The following EPB41L1 variants were observed in gnomAD, a reference collection of about 807,000 sequenced individuals.
The protein encoded by EPB41L1 is erythrocyte membrane protein band 4.1 like 1.
In EPB41L1, 29 loss-of-function variants were observed where a neutral mutation model predicts 97.8. The ratio of observed to expected loss-of-function variants is 0.30; its 90% CI spans 0.22 to 0.40. The LOEUF (loss-of-function observed/expected upper bound fraction) is 0.40. EPB41L1 is among the 10% of genes least tolerant of loss of function. EPB41L1 has a pLI of 1.00. For synonymous variants in EPB41L1, 383 were observed against 459.2 expected, an observed-to-expected ratio of 0.83 and a Z score of 2.12; for missense variants, 812 against 1,162.3, an observed-to-expected ratio of 0.70 and a Z score of 4.38.
chr20:36,182,460 T>G lies in EPB41L1; in HGVS notation c.566+113T>G. 3 of 1,183,370 alleles carry G rather than the reference T, an allele frequency of 2.5e-6. No individual in the cohort carries two copies. In the South Asian group the frequency reaches 3.7e-5, roughly 15 times the overall value. 73.3% of individuals were successfully genotyped at this position (1,183,370 alleles called of 1,614,324 possible). A position where few individuals can be genotyped will look rare whatever the true frequency, so the allele number is the denominator to read the frequency against. ...GACAGCAGCTGCAAATGCAGTCGCC[T>G]ACCGAGGTCAGGCAGACAGCATCGT... is the stretch of plus-strand genomic sequence containing the variant. On this transcript the variant is annotated intron_variant, in intron 6 of 21. Transcript: ENST00000338074.
At chr20:36,198,118 A>C in intron 14 of EPB41L1, 77 bp downstream of exon 14, 12 of 1,305,382 alleles carry the variant, frequency 9.2e-6, no homozygotes, top group African/African-American at 1.5e-5. Context: ...ACTTACACTC[A>C]TCCTCCACAC....
chr20:36,212,186 C>T lies in EPB41L1; in HGVS notation c.2080-86C>T, dbSNP rs2063172019. The T allele has an allele frequency of 2.4e-6, 3 of 1,268,608 alleles. No homozygotes were observed. In the East Asian group the frequency reaches 7.0e-5, roughly 29 times the overall value. The allele number at this position is 1,268,608 out of a possible 1,614,324, so 78.6% of individuals were successfully genotyped here. ...GGCCAGCTGTGGGGATAGGAGATAG[C>T]CTGCAGACACCACACTGCAATTGTC... is the stretch of plus-strand genomic sequence containing the variant. On this transcript the variant is annotated intron_variant, in intron 15 of 21. Coordinates refer to ENST00000338074, the MANE Select transcript of EPB41L1 (RefSeq NM_012156.2). This position sits in a 1 kb window ranked among gnomAD's most constrained non-coding sequence, Gnocchi z 4.8.
intron 1 of EPB41L1, among the ~76,000 whole-genome samples, chr20:36,108,657 G>A (rs1310130121): frequency 6.6e-6 from 1 of 152,168 alleles, no homozygotes; most frequent in African/African-American, 2.4e-5. Flanking sequence ...CTGGGTGAGA[G>A]AACGAGACTC....
intron 3 of EPB41L1, 75 bp downstream of exon 3, chr20:36,175,790 A>G (rs2061202351): frequency 1.3e-6 from 2 of 1,565,978 alleles, no homozygotes; most frequent in Non-Finnish European, 1.7e-6. Flanking sequence ...TCCTGTGTGT[A>G]CCCAGCTTGG....
At chr20:36,158,735 T>A (rs1313128792) in intron 1 of EPB41L1, among the ~76,000 whole-genome samples, 1 of 152,218 alleles carries the variant, frequency 6.6e-6, no homozygotes, top group Non-Finnish European at 1.5e-5. Flanking sequence ...AAAATGCAGA[T>A]AAACATGCCT....
At chr20:36,155,043 C>T in intron 1 of EPB41L1, 147 bp downstream of exon 1, 1 of 731,796 alleles carries the variant, frequency 1.4e-6, no homozygotes, top group South Asian at 1.5e-5. Flanking sequence ...GGGAGGGTCT[C>T]GCTGTTCCTC....
At chr20:36,140,427 C>T (rs2059596334) in intron 2 of EPB41L1, among the ~76,000 whole-genome samples, 1 of 152,044 alleles carries the variant, frequency 6.6e-6, no homozygotes, top group South Asian at 2.1e-4. Context: ...GGATGTCAGA[C>T]ACAATTGTTT....
At chr20:36,227,256 G>A (rs2064215253) in intron 21 of EPB41L1, among the ~76,000 whole-genome samples, 1 of 152,146 alleles carries the variant, frequency 6.6e-6, no homozygotes, top group Non-Finnish European at 1.5e-5. Context: ...GGTCCAGGCT[G>A]CAATGAGCTA....
At chr20:36,196,201 C>G (rs1304910802) in intron 13 of EPB41L1, among the ~76,000 whole-genome samples, 2 of 152,218 alleles carry the variant, frequency 1.3e-5, no homozygotes, top group Non-Finnish European at 2.9e-5. Context: ...AACCCCACTT[C>G]TGCCACCAAC....
intron 8 of EPB41L1, among the ~76,000 whole-genome samples, chr20:36,188,056 C>T (rs1036802100): frequency 1.1e-4 from 17 of 152,110 alleles, no homozygotes; most frequent in African/African-American, 4.1e-4. Flanking sequence ...TGGCACATAG[C>T]CTGGCACCAA....
intron 14 of EPB41L1, among the ~76,000 whole-genome samples, chr20:36,205,637 A>G (rs553214121): frequency 1.3e-5 from 2 of 152,296 alleles, no homozygotes; most frequent in Non-Finnish European, 2.9e-5. Flanking sequence ...AAATTGGTCA[A>G]TAATTTATCA....
chr20:36,168,981 A>T (rs953564262), intron 1 of EPB41L1, among the ~76,000 whole-genome samples: 1 of 151,818 alleles, frequency 6.6e-6, no homozygotes, highest in Admixed American at 6.6e-5. Flanking sequence ...TAATCCTAGC[A>T]CTTTGGGAGG....
chr20:36,129,621 G>A (rs572431466), intron 2 of EPB41L1, among the ~76,000 whole-genome samples: 1 of 152,162 alleles, frequency 6.6e-6, no homozygotes, highest in Non-Finnish European at 1.5e-5. Context: ...CCACTTTCTG[G>A]CTTTCTCACT....
intron 18 of EPB41L1, among the ~76,000 whole-genome samples, chr20:36,219,420 T>C (rs1258023678): frequency 6.6e-6 from 1 of 152,216 alleles, no homozygotes; most frequent in Non-Finnish European, 1.5e-5. Flanking sequence ...GCAGAGAGCG[T>C]GCACCTGGCT....
chr20:36,155,548 C>G, intron 1 of EPB41L1: 1 of 455,124 alleles, frequency 2.2e-6, no homozygotes, highest in Non-Finnish European at 4.4e-6. Context: ...GCTGGGGTCT[C>G]AGGGATGGGC....
chr20:36,132,676 T>G (rs1047706851), intron 2 of EPB41L1, among the ~76,000 whole-genome samples: 3 of 129,878 alleles, frequency 2.3e-5, no homozygotes, highest in African/African-American at 9.2e-5. Flanking sequence ...GCCTCCAAGA[T>G]GGAGGGAGGG....
chr20:36,099,434 A>G (rs1284897737), intron 1 of EPB41L1, among the ~76,000 whole-genome samples: 1 of 152,216 alleles, frequency 6.6e-6, no homozygotes, highest in Non-Finnish European at 1.5e-5. Context: ...TTGCGATCCC[A>G]GGAGATAATG....
At chr20:36,182,232 G>A (rs756527816) in intron 5 of EPB41L1, 40 bp from the exon 6 acceptor site, 2 of 1,588,726 alleles carry the variant, frequency 1.3e-6, no homozygotes, top group African/African-American at 1.3e-5. Flanking sequence ...ACCCAGTGGG[G>A]TGTTAGGGCC....
chr20:36,154,344 A>G (rs374814223), upstream of EPB41L1, among the ~76,000 whole-genome samples: 6 of 152,166 alleles, frequency 3.9e-5, no homozygotes, highest in Admixed American at 1.3e-4. This position sits in a 1 kb window ranked among gnomAD's most constrained non-coding sequence, Gnocchi z 5.5. Flanking sequence ...TGAGCCCCCA[A>G]GAGGGCTTGG....
Sources: allele counts gnomAD v4.1 joint callset (sites outside exome capture counted in the v4.1 genomes callset), GRCh38; gene constraint gnomAD v4.1.1; non-coding constraint Gnocchi (gnomAD v3.1); transcripts MANE v1.5; gene names NCBI Gene and HGNC (gene_info 2026-07-23, HGNC 2026-07-21).